IL17RD: variants seen among roughly 807,000 people sequenced by gnomAD.
The protein encoded by IL17RD is interleukin 17 receptor D, also known as interleukin-17 receptor D.
Under a neutral mutation model 80.5 loss-of-function variants are expected in IL17RD, and 52 were observed. The ratio of observed to expected loss-of-function variants is 0.65; its 90% CI spans 0.52 to 0.81. The LOEUF (loss-of-function observed/expected upper bound fraction) is 0.81, where lower values mean the gene tolerates loss of function less well. Ranked by LOEUF, IL17RD falls within the 40% of genes least tolerant of loss-of-function variation. IL17RD has a pLI of 0.00. For synonymous variants in IL17RD, 416 were observed against 391.8 expected (o/e 1.06, Z -0.73); for missense variants, 1,024 against 955.1 (o/e 1.07, Z -0.95).
At chr3:57,101,457 C>T (rs2107469003) in intron 10 of IL17RD, 94 bp from the exon 11 acceptor site, 2 of 793,814 alleles carry the variant, frequency 2.5e-6, no homozygotes, top group East Asian at 2.7e-5. Flanking sequence ...CAAGAAAGAA[C>T]ACGTCTACCT....
intron 1 of IL17RD, among the ~76,000 whole-genome samples, chr3:57,149,253 G>A (rs1020806113): frequency 6.8e-6 from 1 of 147,814 alleles, no homozygotes; most frequent in Non-Finnish European, 1.5e-5. Context: ...CTGAAATCAC[G>A]CCATTACATT....
In IL17RD at chr3:57,119,992, A is replaced by G. The variant is rs115699501; in HGVS notation, c.184+264T>C. ...CATACTGGCAGCTATGTCCTTAACA[A>G]CACATGCAGATAAACCCCAAGGAAC... On this transcript the variant is annotated intron_variant, in intron 2 of 12. Coordinates refer to ENST00000296318, the MANE Select transcript of IL17RD (RefSeq NM_017563.5). 9.3e-3 allele frequency among the ~76,000 whole-genome samples: 1,422 copies of G among 152,230 alleles called. 24 individuals are homozygous for G. The highest frequency in any genetic ancestry group is 0.033 in the African/African-American group (1,353 of 41,536).
chr3:57,122,894 C>T (rs1029479089), intron 1 of IL17RD, among the ~76,000 whole-genome samples: 1 of 151,914 alleles, frequency 6.6e-6, no homozygotes, highest in Non-Finnish European at 1.5e-5. Context: ...GGGACCCTGG[C>T]GACCAATCAC....
chr3:57,105,812 G>T (rs746764520), intron 7 of IL17RD, 45 bp downstream of exon 7: 22 of 1,571,748 alleles, frequency 1.4e-5, no homozygotes, highest in Non-Finnish European at 1.9e-5. Flanking sequence ...CCTGGGGGTC[G>T]CTTTGAAACA....
intron 1 of IL17RD, among the ~76,000 whole-genome samples, chr3:57,145,338 T>C (rs539408673): frequency 6.6e-6 from 1 of 152,106 alleles, no homozygotes; most frequent in Non-Finnish European, 1.5e-5. Context: ...CACCGGGTCT[T>C]TGGCCATGTG....
In IL17RD at chr3:57,159,109, T is replaced by G. The variant is rs537768136; in HGVS notation, c.126+6052A>C. The stretch of plus-strand genomic sequence containing the variant: ...AAACACACACTGACTTAATTTACAA[T>G]GTCGATATCTCTTCTTTTTTTTTTT... On this transcript the variant is annotated intron_variant, in intron 1 of 12. Transcript: ENST00000296318. 1.1e-4 allele frequency among the ~76,000 whole-genome samples: 16 copies of G among 150,886 alleles called. 1 individual carries two copies. In the South Asian group the frequency reaches 3.4e-3, roughly 32 times the overall value.
chr3:57,113,079 G>A (rs1202665147), intron 3 of IL17RD, among the ~76,000 whole-genome samples: 1 of 152,146 alleles, frequency 6.6e-6, no homozygotes, highest in Non-Finnish European at 1.5e-5. Flanking sequence ...AGGCCCACCT[G>A]AACAAATGGT....
At position 57,152,762 on chromosome 3, in the gene IL17RD, C is replaced by T. The variant is rs78233579; in HGVS notation, c.126+12399G>A. On this transcript the variant is annotated intron_variant, in intron 1 of 12. Coordinates refer to ENST00000296318, the MANE Select transcript of IL17RD (RefSeq NM_017563.5). ...AACTAATGAAACTGTCTGTAACGGA[C>T]TCTAATAAAATAATGTAGGTAACAT... Among the ~76,000 whole-genome samples the T allele has an allele frequency of 4.2e-3, 647 of 152,246 alleles. 3 individuals carry two copies. The highest frequency in any genetic ancestry group is 0.014 in the African/African-American group (593 of 41,532).
intron 11 of IL17RD, among the ~76,000 whole-genome samples, chr3:57,100,675 G>A (rs1019386624): frequency 1.3e-5 from 2 of 152,088 alleles, no homozygotes; most frequent in Admixed American, 6.6e-5. Context: ...AGAGCCCTTC[G>A]TTTATCACTT....
At chr3:57,102,426 G>T in intron 10 of IL17RD, 53 bp downstream of exon 10, 1 of 986,594 alleles carries the variant, frequency 1.0e-6, no homozygotes, top group Non-Finnish European at 1.5e-6. Flanking sequence ...TCTCTTGGCA[G>T]CACCCCCTGG....
At chr3:57,131,802 C>T (rs893762078) in intron 1 of IL17RD, among the ~76,000 whole-genome samples, 5 of 152,218 alleles carry the variant, frequency 3.3e-5, no homozygotes, top group African/African-American at 1.2e-4. Flanking sequence ...AGACCTCTCA[C>T]CTGCCTTATA....
At chr3:57,127,689 G>A (rs1381829065) in intron 1 of IL17RD, among the ~76,000 whole-genome samples, 1 of 152,132 alleles carries the variant, frequency 6.6e-6, no homozygotes, top group Non-Finnish European at 1.5e-5. Flanking sequence ...TTACAGGCGT[G>A]AGCCACCAAG....
At chr3:57,142,534 C>T (rs992832594) in intron 1 of IL17RD, 11 of 1,283,344 alleles carry the variant, frequency 8.6e-6, no homozygotes, top group Non-Finnish European at 1.0e-5. Flanking sequence ...CCCCGTCTGA[C>T]CTCCCCCACT....
rs1706541325 is a variant in IL17RD, at chr3:57,090,967, C to A, written c.*5426G>T. On this transcript the variant is annotated 3_prime_UTR_variant, in exon 13 of 13. Coordinates refer to ENST00000296318, the MANE Select transcript of IL17RD (RefSeq NM_017563.5). ...ACAAGATCCTGGAGGTGTCTATGGT[C>A]CAAGCTGAATTTTAAAGAACAAAAG... 6.6e-6 allele frequency: 1 copy of A among 152,288 alleles called. No homozygotes were observed. Among genetic ancestry groups the A allele is most frequent in the Middle Eastern group, 3.2e-3 (1 of 316 alleles). 9.4% of individuals were successfully genotyped at this position (152,288 alleles called of 1,614,324 possible).
intron 5 of IL17RD, among the ~76,000 whole-genome samples, chr3:57,108,080 G>A (rs1218751544): frequency 6.7e-6 from 1 of 149,576 alleles, no homozygotes; most frequent in Non-Finnish European, 1.5e-5. Flanking sequence ...TTCTTTTTGA[G>A]ATGGAGTCTT....
Position 57,090,809 on chromosome 3 carries a change from T to A in IL17RD, c.*5584A>T, listed in dbSNP as rs950589042. 9.2e-5 allele frequency: 14 copies of A among 152,224 alleles called. 1 individual carries two copies. In the East Asian group the frequency reaches 2.7e-3, roughly 29 times the overall value. The allele number at this position is 152,224 out of a possible 1,614,324, so 9.4% of individuals were successfully genotyped here. ...TAATTTTGTCTACATCATGTACAAA[T>A]AGAAGATTGACTCTGAATCTTCCTG... On this transcript the variant is annotated 3_prime_UTR_variant, in exon 13 of 13. Transcript: ENST00000296318.
chr3:57,101,378 A>G lies in IL17RD; in HGVS notation c.980-15T>C. The G allele has an allele frequency of 6.5e-7, 1 of 1,536,622 alleles. No homozygotes were observed. The highest frequency in any genetic ancestry group is 2.3e-5 in the East Asian group (1 of 43,918). ...ATATATATTTTCTAAATTGGAAAAG[A>G]AGATAAGGTTGATACTTGCAAGCAA... On this transcript the variant is annotated splice_polypyrimidine_tract_variant and intron_variant, in intron 10 of 12. Transcript: ENST00000296318.
At chr3:57,163,803 A>AGGGGGGGGGGGGGGGGGG (rs1401715931) in intron 1 of IL17RD, among the ~76,000 whole-genome samples, 4 of 5,524 alleles carry the variant, frequency 7.2e-4, no homozygotes, top group African/African-American at 2.3e-3. Flanking sequence ...CGGGGGGGGA[A>AGGGGGGGGGGGGGGGGGG]GGGGGTGGCG....
At chr3:57,128,436 C>A (rs535613324) in intron 1 of IL17RD, among the ~76,000 whole-genome samples, 71 of 152,284 alleles carry the variant, frequency 4.7e-4, no homozygotes, top group Non-Finnish European at 8.8e-4. Flanking sequence ...TTTCTGAGCT[C>A]TAACATGAGG....
Sources: allele counts gnomAD v4.1 joint callset (sites outside exome capture counted in the v4.1 genomes callset), GRCh38; gene constraint gnomAD v4.1.1; transcripts MANE v1.5; gene names NCBI Gene and HGNC (gene_info 2026-07-23, HGNC 2026-07-21).